Variants in PITPNB observed in about 807,000 individuals in gnomAD.
The protein encoded by PITPNB is phosphatidylinositol transfer protein beta isoform.
In PITPNB, 16 loss-of-function variants were observed where a neutral mutation model predicts 45.9. That is an observed-to-expected ratio of 0.35 (90% CI 0.24 to 0.53). PITPNB has a LOEUF of 0.53. Among genes scored for constraint, PITPNB ranks in the 20% least tolerant of loss-of-function variants. The probability of loss-of-function intolerance (pLI) is 0.93; values close to 1 mark genes in which losing one functional copy is unlikely to be tolerated. For missense variants in PITPNB, 188 were observed against 330.5 expected (o/e 0.57, Z 3.34); for synonymous variants, 112 against 108.9 (o/e 1.03, Z -0.18).
chr22:27,855,304 G>A (rs1465439812), intron 10 of PITPNB, among the ~76,000 whole-genome samples: 1 of 152,176 alleles, frequency 6.6e-6, no homozygotes, highest in Non-Finnish European at 1.5e-5. Flanking sequence ...AAGCCATGAG[G>A]GTGTGGGCCA....
rs140243671 is a variant in PITPNB at position 27,874,357 on chromosome 22, C to CA, written c.457-543_457-542insT. ...TGACTGGCTTCTCCAAACCCTTGTT[C>CA]GAGAGCCCTGGGATACACATGGCTT... On this transcript the variant is annotated intron_variant, in intron 7 of 11. Transcript: ENST00000335272. 6.8e-3 allele frequency among the ~76,000 whole-genome samples: 1,035 copies of CA among 152,232 alleles called. 7 individuals are homozygous for CA. The highest frequency in any genetic ancestry group is 0.023 in the African/African-American group (941 of 41,552).
intron 3 of PITPNB, among the ~76,000 whole-genome samples, chr22:27,901,095 T>C (rs1935578484): frequency 6.6e-6 from 1 of 152,304 alleles, no homozygotes; most frequent in Middle Eastern, 3.4e-3. Flanking sequence ...GGAACAGCGT[T>C]CACTTACCTC....
chr22:27,865,770 G>A (rs187943571), intron 8 of PITPNB, among the ~76,000 whole-genome samples: 16 of 152,126 alleles, frequency 1.1e-4, no homozygotes, highest in East Asian at 5.8e-4. Context: ...AGGGGCGGGC[G>A]GTGAGAAATA....
intron 3 of PITPNB, among the ~76,000 whole-genome samples, chr22:27,900,257 T>C (rs1343803197): frequency 2.6e-5 from 4 of 151,382 alleles, no homozygotes; most frequent in Non-Finnish European, 5.9e-5. Context: ...GGAGAAACAA[T>C]TCTGTATTAA....
intron 8 of PITPNB, among the ~76,000 whole-genome samples, chr22:27,861,136 G>C (rs1303639149): frequency 8.6e-5 from 13 of 151,142 alleles, no homozygotes; most frequent in Admixed American, 8.6e-4. Context: ...TTCGAGACCA[G>C]CCTGGCCAAC....
chr22:27,898,432 T>A (rs1935496529), intron 3 of PITPNB, among the ~76,000 whole-genome samples: 1 of 151,704 alleles, frequency 6.6e-6, no homozygotes, highest in Non-Finnish European at 1.5e-5. Context: ...TGTGGTTTTT[T>A]TTTTTTTAAA....
Position 27,858,414 on chromosome 22 carries a change from T to C in PITPNB, c.741A>G (p.Glu247=). 1 of 1,608,030 alleles carries C rather than the reference T, an allele frequency of 6.2e-7. No homozygotes were observed. The highest frequency in any genetic ancestry group is 8.5e-7 in the Non-Finnish European group (1 of 1,177,098). Residue 247 remains glutamate, a synonymous_variant, in exon 10 of 12, where the codon GAA becomes GAG. Coordinates refer to ENST00000335272, the MANE Select transcript of PITPNB (RefSeq NM_012399.5). ...DLTMEDIRRM[E]DETQKELETM... is the part of the protein sequence containing the mutation. Reference sequence around the variant, plus strand: ...TTTCTAGTTCTTTCTGAGTCTCGTCTTCCATTCTCCTAATGTCTTCCATCG... The same window carrying C: ...TTTCTAGTTCTTTCTGAGTCTCGTCCTCCATTCTCCTAATGTCTTCCATCG...
chr22:27,871,032 G>A (rs1934643790), intron 8 of PITPNB, among the ~76,000 whole-genome samples: 1 of 152,114 alleles, frequency 6.6e-6, no homozygotes, highest in African/African-American at 2.4e-5. Flanking sequence ...AGCCTAATAA[G>A]TTACTGTTTA....
In PITPNB at chr22:27,894,232, G is replaced by C. The variant is rs148833631; in HGVS notation, c.456+323C>G. 5.7e-3 allele frequency: 1,098 copies of C among 192,914 alleles called. 8 individuals carry two copies. Among genetic ancestry groups the C allele is most frequent in the African/African-American group, 0.023 (977 of 43,384 alleles). 12.0% of individuals were successfully genotyped at this position (192,914 alleles called of 1,614,324 possible). A position where few individuals can be genotyped will look rare whatever the true frequency, so the allele number is the denominator to read the frequency against. ...TTTGAAAAGTAAAAGGGACCTAGCT[G>C]GAGGGAGAATTATTTTGTAAACAAT... On this transcript the variant is annotated intron_variant, in intron 7 of 11. Coordinates refer to ENST00000335272, the MANE Select transcript of PITPNB (RefSeq NM_012399.5).
chr22:27,853,864 G>A (rs1294808549), intron 11 of PITPNB, among the ~76,000 whole-genome samples: 5 of 152,026 alleles, frequency 3.3e-5, no homozygotes, highest in African/African-American at 4.8e-5. Flanking sequence ...TCATCAGAGG[G>A]GAAAATAAAG....
At chr22:27,864,053 AGAG>A (rs952643600) in intron 8 of PITPNB, among the ~76,000 whole-genome samples, 2 of 152,204 alleles carry the variant, frequency 1.3e-5, no homozygotes, top group Non-Finnish European at 2.9e-5. Context: ...AAAACCCTTC[AGAG>A]AAGAACACGT....
intron 8 of PITPNB, among the ~76,000 whole-genome samples, chr22:27,870,724 G>C (rs1934633549): frequency 6.6e-6 from 1 of 152,220 alleles, no homozygotes; most frequent in Non-Finnish European, 1.5e-5. Context: ...AATTGGCAAA[G>C]AGGGCCTGCT....
intron 3 of PITPNB, among the ~76,000 whole-genome samples, chr22:27,903,431 T>C (rs1935663210): frequency 7.0e-6 from 1 of 143,446 alleles, no homozygotes; most frequent in Admixed American, 7.1e-5. Flanking sequence ...ATCACGCCAT[T>C]GCACTCTAGC....
intron 7 of PITPNB, among the ~76,000 whole-genome samples, chr22:27,877,871 C>T (rs1321939993): frequency 6.6e-6 from 1 of 152,040 alleles, no homozygotes. Context: ...AGAGGTGAGG[C>T]TAAGTGTAAA....
chr22:27,860,882 CTA>C (rs1934307512), intron 8 of PITPNB, among the ~76,000 whole-genome samples: 1 of 152,080 alleles, frequency 6.6e-6, no homozygotes. Context: ...GGAAAATAAA[CTA>C]TTTTTTTAAA....
At chr22:27,867,986 C>T (rs915581408) in intron 8 of PITPNB, among the ~76,000 whole-genome samples, 3 of 151,952 alleles carry the variant, frequency 2.0e-5, no homozygotes, top group African/African-American at 7.3e-5. Flanking sequence ...AAAATGTAGT[C>T]ATCAAACTAG....
intron 2 of PITPNB, among the ~76,000 whole-genome samples, chr22:27,912,556 C>G (rs1191233131): frequency 6.6e-6 from 1 of 151,800 alleles, no homozygotes; most frequent in East Asian, 1.9e-4. Context: ...TTCAAATGAA[C>G]TGTATCCAAA....
intron 7 of PITPNB, among the ~76,000 whole-genome samples, chr22:27,886,030 T>C (rs931998095): frequency 2.6e-5 from 4 of 152,184 alleles, no homozygotes; most frequent in East Asian, 1.9e-4. Flanking sequence ...GCTCTGAGGA[T>C]GGAGAGGGCG....
intron 3 of PITPNB, among the ~76,000 whole-genome samples, chr22:27,908,930 T>C (rs1935839401): frequency 6.6e-6 from 1 of 152,120 alleles, no homozygotes; most frequent in African/African-American, 2.4e-5. Context: ...TAAGGTTCTA[T>C]AAAGAGATAA....
Sources: allele counts gnomAD v4.1 joint callset (sites outside exome capture counted in the v4.1 genomes callset), GRCh38; gene constraint gnomAD v4.1.1; transcripts MANE v1.5; gene names NCBI Gene and HGNC (gene_info 2026-07-23, HGNC 2026-07-21).